The following CUX2 variants were observed in gnomAD, a reference collection of about 807,000 sequenced individuals.
CUX2 encodes cut like homeobox 2.
In CUX2, 40 loss-of-function variants were observed where a neutral mutation model predicts 144.8. The observed-to-expected ratio is 0.28, with a 90% CI of 0.21 to 0.36. The LOEUF is 0.36. Among genes scored for constraint, CUX2 ranks in the 10% least tolerant of loss-of-function variants. The probability of loss-of-function intolerance (pLI) is 1.00; values close to 1 mark genes in which losing one functional copy is unlikely to be tolerated. For synonymous variants in CUX2, 827 were observed against 875.6 expected, an observed-to-expected ratio of 0.94 and a Z score of 0.98; for missense variants, 1,615 against 1,994.0, an observed-to-expected ratio of 0.81 and a Z score of 3.62.
At chr12:111,097,393 C>G (rs1445306721) in intron 1 of CUX2, among the ~76,000 whole-genome samples, 1 of 152,228 alleles carries the variant, frequency 6.6e-6, no homozygotes, top group Non-Finnish European at 1.5e-5. Flanking sequence ...TCCCCAAGCC[C>G]TCCATCTCCA....
chr12:111,183,759 C>T (rs962572461), intron 1 of CUX2, among the ~76,000 whole-genome samples: 1 of 152,084 alleles, frequency 6.6e-6, no homozygotes, highest in Non-Finnish European at 1.5e-5. Flanking sequence ...TAGTGCCTGG[C>T]GCGTTCTGTT....
rs1170966716 is a variant in CUX2, at chr12:111,296,459, C to T, written c.638-14C>T. On this transcript the variant is annotated splice_polypyrimidine_tract_variant and intron_variant, in intron 7 of 21. Transcript: ENST00000261726. ...TCGGAGGTGGGGCCTCACCCTGCCTCTGCTTTCTCCCAGCGCTAAAGGCTA... is the reference window on the plus strand; with the variant it reads ...TCGGAGGTGGGGCCTCACCCTGCCTTTGCTTTCTCCCAGCGCTAAAGGCTA... 1 of 1,599,894 alleles carries T rather than the reference C, an allele frequency of 6.3e-7. No homozygotes were observed. Among genetic ancestry groups the T allele is most frequent in the Admixed American group, 1.7e-5 (1 of 58,900 alleles).
intron 16 of CUX2, among the ~76,000 whole-genome samples, chr12:111,314,880 C>G (rs1887110707): frequency 6.6e-6 from 1 of 151,952 alleles, no homozygotes; most frequent in Admixed American, 6.6e-5. Context: ...TAGCCAAAGT[C>G]TCCCACTAAA....
chr12:111,035,750 C>T lies in CUX2; in HGVS notation c.63+1510C>T, dbSNP rs1206932968. Among the ~76,000 whole-genome samples, 2 of 152,118 alleles carry T rather than the reference C, an allele frequency of 1.3e-5. No homozygotes were observed. Among genetic ancestry groups the T allele is most frequent in the African/African-American group, 4.8e-5 (2 of 41,406 alleles). The stretch of plus-strand genomic sequence containing the variant: ...CGAACGCCCCACTCCTCGCTCTCCC[C>T]CTCCCCCAAAGCCATTGAGCTGGGG... On this transcript the variant is annotated intron_variant, in intron 1 of 21. Coordinates refer to ENST00000261726, the MANE Select transcript of CUX2 (RefSeq NM_015267.4). This position sits in a 1 kb window ranked among gnomAD's most constrained non-coding sequence, Gnocchi z 6.0.
intron 4 of CUX2, among the ~76,000 whole-genome samples, chr12:111,291,043 T>G (rs1885652657): frequency 6.6e-6 from 1 of 151,838 alleles, no homozygotes; most frequent in African/African-American, 2.4e-5. Flanking sequence ...TTTTGTATTT[T>G]TAGCAGAGAC....
In CUX2 at chr12:111,307,429, C is replaced by T. The variant is rs1886643403; in HGVS notation, c.1109+172C>T. 6.6e-6 allele frequency among the ~76,000 whole-genome samples: 1 copy of T among 152,214 alleles called. No homozygotes were observed. The highest frequency in any genetic ancestry group is 1.5e-5 in the Non-Finnish European group (1 of 68,044). On this transcript the variant is annotated intron_variant, in intron 12 of 21. Coordinates refer to ENST00000261726, the MANE Select transcript of CUX2 (RefSeq NM_015267.4). This position sits in a 1 kb window ranked among gnomAD's most constrained non-coding sequence, Gnocchi z 4.1. ...TCAGGCCAGGTGCAGTGGCTCATCC[C>T]TGTAATCCCAACACTTTGGGAGGCC...
chr12:111,242,078 G>T (rs1883046161), intron 3 of CUX2, among the ~76,000 whole-genome samples: 2 of 152,222 alleles, frequency 1.3e-5, no homozygotes, highest in Non-Finnish European at 2.9e-5. Context: ...GCTGTTCTAA[G>T]CAGTGAACAA....
intron 3 of CUX2, among the ~76,000 whole-genome samples, chr12:111,233,219 C>T (rs1882567426): frequency 6.6e-6 from 1 of 152,150 alleles, no homozygotes; most frequent in African/African-American, 2.4e-5. Context: ...CCCAGTCTCT[C>T]CATATCTGCT....
Position 111,348,214 on chromosome 12 carries a change from G to C in CUX2, c.4350G>C (p.Lys1450Asn). 6.2e-7 allele frequency: 1 copy of C among 1,614,048 alleles called. No individual in the cohort carries two copies. Among genetic ancestry groups the C allele is most frequent in the South Asian group, 1.1e-5 (1 of 91,088 alleles). ...DMAGALHPSA[K>N]VNPNLQRRHE... ...CTGGAGCCTTGCACCCCAGTGCCAA[G>C]GTGAACCCCAACTTGCAGCGGCGGC... Residue 1450 changes from lysine to asparagine, a missense_variant, in exon 22 of 22, where the codon AAG becomes AAC. By Grantham distance (94) the Lys-to-Asn change is moderately conservative. Around this residue, in one of 12 missense-constraint regions of CUX2, gnomAD observed 298 missense variants for 330.4 expected, o/e 0.90. Coordinates refer to ENST00000261726, the MANE Select transcript of CUX2 (RefSeq NM_015267.4).
chr12:111,312,315 C>T lies in CUX2; in HGVS notation c.2002+114C>T, dbSNP rs1261958617. On this transcript the variant is annotated intron_variant, in intron 16 of 21. Transcript: ENST00000261726. The surrounding 1 kb of genome is among the most constrained non-coding windows in gnomAD (Gnocchi z 4.3). The stretch of plus-strand genomic sequence containing the variant: ...GAGGGAATCCAAGGTGGATCAGAAC[C>T]ACCAGAGGCCAGAGGGACCTGTCTA... 1 of 887,914 alleles carries T rather than the reference C, an allele frequency of 1.1e-6. No homozygotes were observed. The highest frequency in any genetic ancestry group is 1.7e-6 in the Non-Finnish European group (1 of 579,850). 55.0% of individuals were successfully genotyped at this position (887,914 alleles called of 1,614,324 possible). A position where few individuals can be genotyped will look rare whatever the true frequency, so the allele number is the denominator to read the frequency against.
intron 1 of CUX2, among the ~76,000 whole-genome samples, chr12:111,093,210 A>T (rs974897876): frequency 4.6e-5 from 7 of 152,184 alleles, no homozygotes; most frequent in South Asian, 2.1e-4. Flanking sequence ...TCTATGTCTC[A>T]CTTCCTCTGG....
At chr12:111,242,479 G>A (rs921759503) in intron 3 of CUX2, among the ~76,000 whole-genome samples, 3 of 152,158 alleles carry the variant, frequency 2.0e-5, no homozygotes, top group African/African-American at 4.8e-5. Context: ...TACTTGCTCC[G>A]TGGCTCTTGA....
At chr12:111,135,870 G>T (rs1162224223) in intron 1 of CUX2, among the ~76,000 whole-genome samples, 1 of 152,228 alleles carries the variant, frequency 6.6e-6, no homozygotes, top group African/African-American at 2.4e-5. Flanking sequence ...TTGGGGTGAT[G>T]AAATGTTCTG....
intron 1 of CUX2, among the ~76,000 whole-genome samples, chr12:111,182,390 C>T (rs1420164654): frequency 6.6e-6 from 1 of 152,178 alleles, no homozygotes; most frequent in East Asian, 1.9e-4. Context: ...TTACATACAG[C>T]CCGGCGGCCA....
rs191784476 is a variant in CUX2, at chr12:111,059,461, G to A, written c.63+25221G>A. ...TCCCAGTGAGGGGAGCAGGACTACT[G>A]CCTGATTCCTGGACCATTTTGTTTT... On this transcript the variant is annotated intron_variant, in intron 1 of 21. Coordinates refer to ENST00000261726, the MANE Select transcript of CUX2 (RefSeq NM_015267.4). This position sits in a 1 kb window ranked among gnomAD's most constrained non-coding sequence, Gnocchi z 5.3. 7.1e-3 allele frequency among the ~76,000 whole-genome samples: 1,089 copies of A among 152,358 alleles called. 10 individuals are homozygous for A. The highest frequency in any genetic ancestry group is 0.02 in the Middle Eastern group (6 of 294).
chr12:111,232,213 ATAT>A (rs1411070039), intron 3 of CUX2, among the ~76,000 whole-genome samples: 2 of 73,724 alleles, frequency 2.7e-5, no homozygotes, highest in Admixed American at 2.4e-4. Flanking sequence ...TGAAAAAAAA[ATAT>A]ATATATATAT....
chr12:111,038,365 A>G (rs1592840606), intron 1 of CUX2, among the ~76,000 whole-genome samples: 1 of 152,248 alleles, frequency 6.6e-6, no homozygotes, highest in East Asian at 1.9e-4. Flanking sequence ...TAACTTTGGA[A>G]ACTTCACCAT....
intron 1 of CUX2, among the ~76,000 whole-genome samples, chr12:111,075,549 G>A (rs921278735): frequency 4.6e-5 from 7 of 152,102 alleles, no homozygotes; most frequent in African/African-American, 9.7e-5. Context: ...GGCAGCGTTC[G>A]GATGCGGAGA....
At chr12:111,054,180 A>G (rs1870413262) in intron 1 of CUX2, among the ~76,000 whole-genome samples, 5 of 152,158 alleles carry the variant, frequency 3.3e-5, no homozygotes, top group Admixed American at 1.3e-4. Context: ...CAAAAACAAA[A>G]AACAGATTCC....
Sources: allele counts gnomAD v4.1 joint callset (sites outside exome capture counted in the v4.1 genomes callset), GRCh38; gene constraint gnomAD v4.1.1; regional missense constraint gnomAD v4.1.1; non-coding constraint Gnocchi (gnomAD v3.1); transcripts MANE v1.5; gene names NCBI Gene and HGNC (gene_info 2026-07-23, HGNC 2026-07-21).